TTC39B: variants seen among roughly 807,000 people sequenced by gnomAD.
TTC39B encodes the protein tetratricopeptide repeat protein 39B.
TTC39B carries 92 observed loss-of-function variants against 96.6 expected under a neutral mutation model. That is an observed-to-expected ratio of 0.95 (90% CI 0.80 to 1.13). The LOEUF (loss-of-function observed/expected upper bound fraction) is 1.13, where lower values mean the gene tolerates loss of function less well. Ranked by LOEUF, TTC39B falls within the 50% of genes most tolerant of loss-of-function variation. The pLI, the probability that TTC39B is intolerant of heterozygous loss-of-function variation, is 0.00. For synonymous variants in TTC39B, 367 were observed against 299.4 expected (o/e 1.23, Z -2.33); for missense variants, 955 against 809.3 (o/e 1.18, Z -2.18).
At chr9:15,225,134 G>A (rs573257696) in intron 3 of TTC39B, among the ~76,000 whole-genome samples, 1 of 152,158 alleles carries the variant, frequency 6.6e-6, no homozygotes, top group East Asian at 1.9e-4. Flanking sequence ...AAATGATCTG[G>A]AAAGGAACAA....
intron 15 of TTC39B, among the ~76,000 whole-genome samples, chr9:15,185,899 C>A (rs906374611): frequency 6.6e-6 from 1 of 152,156 alleles, no homozygotes. Flanking sequence ...AGACAGCCAA[C>A]AATTAACGTA....
chr9:15,288,220 A>G (rs1270074480), intron 1 of TTC39B, among the ~76,000 whole-genome samples: 3 of 152,170 alleles, frequency 2.0e-5, no homozygotes, highest in Non-Finnish European at 4.4e-5. Context: ...TACTGGATAG[A>G]AGAGAGCAGT....
Position 15,199,518 on chromosome 9 carries a change from G to A in TTC39B, c.824+343C>T, listed in dbSNP as rs142649419. 7.1e-3 allele frequency among the ~76,000 whole-genome samples: 1,079 copies of A among 151,650 alleles called. 24 individuals carry two copies. The highest frequency in any genetic ancestry group is 0.024 in the African/African-American group (1,008 of 41,370). On this transcript the variant is annotated intron_variant, in intron 8 of 19. Coordinates refer to ENST00000512701, the Ensembl canonical transcript of TTC39B. ...TGGGAGGCTGAGGCGGGCGGATCAC[G>A]AGGTCAGGAGATCGAGACCATCCTG...
At chr9:15,194,775 G>C (rs1313118503) in intron 8 of TTC39B, among the ~76,000 whole-genome samples, 1 of 152,142 alleles carries the variant, frequency 6.6e-6, no homozygotes, top group Non-Finnish European at 1.5e-5. Context: ...TACAGTAATT[G>C]TTTCAGGGTG....
chr9:15,302,966 G>A (rs979342650), intron 1 of TTC39B, among the ~76,000 whole-genome samples: 105 of 152,116 alleles, frequency 6.9e-4, no homozygotes, highest in Admixed American at 5.2e-3. Flanking sequence ...TCAAGAGATC[G>A]AGACCATCCT....
chr9:15,262,434 T>C (rs1282955485), intron 2 of TTC39B, among the ~76,000 whole-genome samples: 1 of 152,208 alleles, frequency 6.6e-6, no homozygotes, highest in Admixed American at 6.5e-5. Context: ...GTCAATGTAC[T>C]ACTAACATTT....
chr9:15,165,894 A>T (rs1036163721), exon 20 of TTC39B: 3 of 152,204 alleles, frequency 2.0e-5, no homozygotes, highest in Admixed American at 1.3e-4. Flanking sequence ...ACTTCAAAAT[A>T]ATACAATTCC....
intron 3 of TTC39B, among the ~76,000 whole-genome samples, chr9:15,224,704 G>A (rs75136562): frequency 0.051 from 7,763 of 152,152 alleles, 242 homozygotes; most frequent in South Asian, 0.069. Flanking sequence ...GGAAACTATC[G>A]AATGAGTTAG....
At chr9:15,199,766 A>AAAAAAAAAAAACAAAAAAAAC (rs1819419516) in intron 8 of TTC39B, 95 bp downstream of exon 8, 1 of 414,120 alleles carries the variant, frequency 2.4e-6, no homozygotes, top group Non-Finnish European at 4.5e-6. Flanking sequence ...AAAAAAAAAA[A>AAAAAAAAAAAACAAAAAAAAC]AATCCTAGTC....
intron 2 of TTC39B, among the ~76,000 whole-genome samples, chr9:15,243,197 A>G (rs773273296): frequency 6.6e-6 from 1 of 152,214 alleles, no homozygotes; most frequent in Non-Finnish European, 1.5e-5. Flanking sequence ...AGGAAGATAT[A>G]AGCCTGATAC....
chr9:15,275,277 G>T (rs183613815), intron 1 of TTC39B, among the ~76,000 whole-genome samples: 2 of 152,162 alleles, frequency 1.3e-5, no homozygotes, highest in African/African-American at 4.8e-5. Context: ...CTGACCTCAG[G>T]TGATCTGCCC....
At chr9:15,174,339 C>T (rs1046730359) in intron 19 of TTC39B, among the ~76,000 whole-genome samples, 3 of 152,132 alleles carry the variant, frequency 2.0e-5, no homozygotes, top group Non-Finnish European at 4.4e-5. Flanking sequence ...TGTTTATGAC[C>T]TAGAGCTAGT....
intron 1 of TTC39B, among the ~76,000 whole-genome samples, chr9:15,302,951 C>T (rs1259795153): frequency 1.3e-5 from 2 of 152,052 alleles, no homozygotes; most frequent in African/African-American, 4.8e-5. Flanking sequence ...GGCCGGATCA[C>T]GAGGTCAAGA....
chr9:15,185,386 T>C (rs1818466110), exon 16 of TTC39B: 1 of 1,613,720 alleles, frequency 6.2e-7, no homozygotes, highest in African/African-American at 1.3e-5. Flanking sequence ...GGCAATTCTC[T>C]GCTTCAAGCT....
intron 2 of TTC39B, among the ~76,000 whole-genome samples, chr9:15,233,701 C>A (rs973054800): frequency 6.6e-6 from 1 of 152,150 alleles, no homozygotes; most frequent in Non-Finnish European, 1.5e-5. Flanking sequence ...GATCTCGGCT[C>A]GCTACAACAT....
chr9:15,288,461 T>A (rs1243178770), intron 1 of TTC39B, among the ~76,000 whole-genome samples: 1 of 151,704 alleles, frequency 6.6e-6, no homozygotes, highest in Non-Finnish European at 1.5e-5. Flanking sequence ...TCGAGAGGAG[T>A]TCAGCTGGGG....
intron 3 of TTC39B, among the ~76,000 whole-genome samples, chr9:15,218,021 A>C (rs1339095055): frequency 2.0e-5 from 3 of 152,046 alleles, no homozygotes; most frequent in African/African-American, 7.2e-5. Flanking sequence ...CAGCCTGGCC[A>C]ACATGGTGAA....
intron 2 of TTC39B, among the ~76,000 whole-genome samples, chr9:15,254,225 G>C (rs1822667666): frequency 1.3e-5 from 2 of 150,940 alleles, no homozygotes; most frequent in Admixed American, 1.3e-4. Context: ...TGTTTTGATG[G>C]AGTAGGTCTC....
At position 15,234,271 on chromosome 9, in the gene TTC39B, C is replaced by G. The variant is rs1821639635; in HGVS notation, c.276-8259G>C. On this transcript the variant is annotated intron_variant, in intron 2 of 19. Coordinates refer to ENST00000512701, the Ensembl canonical transcript of TTC39B. ...CGTCCGGGAGGGAGGTGGGGGTCAGCCCCCGCCAGGCCAGCCGCCCCATCC... is the reference window on the plus strand; with the variant it reads ...CGTCCGGGAGGGAGGTGGGGGTCAGGCCCCGCCAGGCCAGCCGCCCCATCC... Among the ~76,000 whole-genome samples, 4 of 149,978 alleles carry G rather than the reference C, an allele frequency of 2.7e-5. No individual in the cohort carries two copies. The South Asian group carries it at 8.5e-4, about 32-fold the overall frequency.
Sources: allele counts gnomAD v4.1 joint callset (sites outside exome capture counted in the v4.1 genomes callset), GRCh38; gene constraint gnomAD v4.1.1; transcripts MANE v1.5; gene names NCBI Gene and HGNC (gene_info 2026-07-23, HGNC 2026-07-21).